Variants in SPTA1 observed in about 807,000 individuals in gnomAD.
SPTA1 encodes the protein spectrin alpha, erythrocytic 1, also known as spectrin alpha chain, erythrocytic 1.
A neutral mutation model predicts 324.7 loss-of-function variants in SPTA1; 177 were observed. The observed-to-expected ratio is 0.55, with a 90% CI of 0.48 to 0.62. SPTA1 has a LOEUF of 0.62. Among genes scored for constraint, SPTA1 ranks in the 20% least tolerant of loss-of-function variants. The pLI, the probability that SPTA1 is intolerant of heterozygous loss-of-function variation, is 0.00. For missense variants in SPTA1, 3,162 were observed against 2,883.6 expected (o/e 1.10, Z -2.21); for synonymous variants, 1,195 against 1,041.3 (o/e 1.15, Z -2.84).
chr1:158,614,375 A>G, intron 48 of SPTA1, 69 bp from the exon 49 acceptor site: 5 of 1,109,524 alleles, frequency 4.5e-6, no homozygotes, highest in Non-Finnish European at 6.8e-6. Context: ...CACAAGCCAC[A>G]TGGAAGAGAG....
At chr1:158,672,302 A>G in intron 10 of SPTA1, 106 bp from the exon 11 acceptor site, 2 of 1,244,240 alleles carry the variant, frequency 1.6e-6, no homozygotes, top group East Asian at 5.1e-5. Context: ...ACAAAAATAA[A>G]CAGCAAATGG....
chr1:158,645,939 A>G (rs1651970582), intron 27 of SPTA1, among the ~76,000 whole-genome samples: 1 of 152,208 alleles, frequency 6.6e-6, no homozygotes, highest in Non-Finnish European at 1.5e-5. Flanking sequence ...CATCTTCAAT[A>G]AAACCTAGAC....
In SPTA1 at chr1:158,656,615, A is replaced by G; in HGVS notation, c.2847T>C (p.Asn949=). 2 of 1,613,938 alleles carry G rather than the reference A, an allele frequency of 1.2e-6. No individual in the cohort carries two copies. The highest frequency in any genetic ancestry group is 2.2e-5 in the South Asian group (2 of 91,078). ...GAGCTTTCATACTGTCTCCAAATGA[A>G]TTGAGATCTAATAGAAAGGCCTCAT... ...KKHEAFLLDL[N]SFGDSMKALR... The change falls in exon 20 of 52, where the codon AAT becomes AAC. Residue 949 remains asparagine, a synonymous_variant. Coordinates refer to ENST00000643759, the MANE Select transcript of SPTA1 (RefSeq NM_003126.4).
chr1:158,634,586 A>G lies in SPTA1; in HGVS notation c.5522T>C (p.Leu1841Ser). 6.2e-7 allele frequency: 1 copy of G among 1,614,148 alleles called. No individual in the cohort carries two copies. The highest frequency in any genetic ancestry group is 8.5e-7 in the Non-Finnish European group (1 of 1,180,036). Residue 1841 changes from leucine to serine, a missense_variant, in exon 39 of 52, where the codon TTG becomes TCG. Physicochemically the swap from Leu to Ser is moderately radical, Grantham distance 145. Transcript: ENST00000643759. ...EEAWINEKNA[L>S]AVRGDCGDTL... ...ATCTCCACAATCTCCTCGGACAGCCAAAGCATTCTTTTCATTGATCCAAGC... is the reference window on the plus strand; with the variant it reads ...ATCTCCACAATCTCCTCGGACAGCCGAAGCATTCTTTTCATTGATCCAAGC...
intron 8 of SPTA1, among the ~76,000 whole-genome samples, chr1:158,675,739 A>C (rs909128624): frequency 6.6e-6 from 1 of 152,214 alleles, no homozygotes; most frequent in Non-Finnish European, 1.5e-5. Context: ...TTAGACTGCT[A>C]CTAAGTGACT....
rs903677128 is a variant in SPTA1 at position 158,623,046 on chromosome 1, C to T, written c.6057G>A (p.Gln2019=). The change falls in exon 43 of 52, where the codon CAG becomes CAA. Residue 2019 remains glutamine, a synonymous_variant. Coordinates refer to ENST00000643759, the MANE Select transcript of SPTA1 (RefSeq NM_003126.4). ...TGTGGACTGCCGAGGCTTCCAGCAA[C>T]TGTTCCCAGCGCTTCAGCAGAGCGG... ...RYAALLKRWE[Q]LLEASAVHRQ... 7 of 1,614,048 alleles carry T rather than the reference C, an allele frequency of 4.3e-6. No individual in the cohort carries two copies. In the African/African-American group the frequency reaches 9.3e-5, roughly 22 times the overall value.
chr1:158,612,741 G>A (rs763082602), intron 51 of SPTA1, 76 bp downstream of exon 51: 227 of 1,545,734 alleles, frequency 1.5e-4, no homozygotes, highest in Non-Finnish European at 1.9e-4. Flanking sequence ...TTTTTTCAAA[G>A]TAGGCCACCG....
At position 158,674,523 on chromosome 1, in the gene SPTA1, C is replaced by A; in HGVS notation, c.1248+17G>T. 1 of 1,614,084 alleles carries A rather than the reference C, an allele frequency of 6.2e-7. No individual in the cohort carries two copies. The highest frequency in any genetic ancestry group is 8.5e-7 in the Non-Finnish European group (1 of 1,179,968). ...TAACCTGCCCCCTCCTCCTACTGGG[C>A]AGCCTTTCTTCTCTACCTTATGCTG... On this transcript the variant is annotated intron_variant, in intron 9 of 51. Coordinates refer to ENST00000643759, the MANE Select transcript of SPTA1 (RefSeq NM_003126.4).
chr1:158,632,392 T>C (rs1357028040), intron 39 of SPTA1, among the ~76,000 whole-genome samples: 1 of 152,218 alleles, frequency 6.6e-6, no homozygotes, highest in Non-Finnish European at 1.5e-5. Flanking sequence ...TAGTCAACAA[T>C]AATATGTTAT....
intron 7 of SPTA1, 112 bp from the exon 8 acceptor site, chr1:158,676,407 G>T: frequency 8.7e-7 from 1 of 1,149,562 alleles, no homozygotes. Context: ...TTTAGAAATC[G>T]ACATATGAAT....
chr1:158,651,886 T>G (rs867303514), intron 23 of SPTA1, among the ~76,000 whole-genome samples: 3,890 of 131,216 alleles, frequency 0.03, 167 homozygotes, highest in African/African-American at 0.15. Context: ...GAGTGCTCTC[T>G]CTCTCTCTCT....
At chr1:158,642,389 C>A (rs1029488970) in intron 33 of SPTA1, 22 bp downstream of exon 33, 1 of 1,611,430 alleles carries the variant, frequency 6.2e-7, no homozygotes, top group Non-Finnish European at 8.5e-7. Context: ...CTTTGTAGCC[C>A]AAAACTCATC....
chr1:158,660,961 C>A (rs1383060060), intron 18 of SPTA1, among the ~76,000 whole-genome samples: 1 of 152,122 alleles, frequency 6.6e-6, no homozygotes, highest in African/African-American at 2.4e-5. Context: ...GGAAAAGAGA[C>A]CTGATTTAAT....
intron 39 of SPTA1, among the ~76,000 whole-genome samples, chr1:158,632,720 G>A (rs909017585): frequency 7.4e-5 from 11 of 149,024 alleles, no homozygotes; most frequent in Admixed American, 6.0e-4. Flanking sequence ...TGTTAAGAGT[G>A]CAAAATGATA....
At chr1:158,624,034 T>C (rs943927714) in intron 42 of SPTA1, among the ~76,000 whole-genome samples, 4 of 152,198 alleles carry the variant, frequency 2.6e-5, no homozygotes, top group Non-Finnish European at 4.4e-5. Flanking sequence ...CCATGTGGCA[T>C]TGAGCCTCCA....
At chr1:158,683,574 A>G in intron 2 of SPTA1, 78 bp from the exon 3 acceptor site, 11 of 1,589,462 alleles carry the variant, frequency 6.9e-6, no homozygotes, top group Non-Finnish European at 9.5e-6. Context: ...TAAAGCCACC[A>G]AACACAGGTT....
At chr1:158,633,018 A>G (rs1289138544) in intron 39 of SPTA1, among the ~76,000 whole-genome samples, 2 of 152,232 alleles carry the variant, frequency 1.3e-5, no homozygotes, top group Non-Finnish European at 2.9e-5. Context: ...TGTTACACAC[A>G]ATAACCAGAA....
At chr1:158,640,220 G>A (rs181959055) in intron 33 of SPTA1, among the ~76,000 whole-genome samples, 129 of 152,298 alleles carry the variant, frequency 8.5e-4, no homozygotes, top group African/African-American at 2.9e-3. Context: ...GTCCTGTGTT[G>A]AGTAAAGAGA....
At chr1:158,685,433 T>A (rs1358549093) in intron 1 of SPTA1, 86 bp from the exon 2 acceptor site, 1 of 1,570,162 alleles carries the variant, frequency 6.4e-7, no homozygotes, top group African/African-American at 1.3e-5. Context: ...TGTTTACTCA[T>A]GTTGGACCTA....
Sources: allele counts gnomAD v4.1 joint callset (sites outside exome capture counted in the v4.1 genomes callset), GRCh38; gene constraint gnomAD v4.1.1; transcripts MANE v1.5; gene names NCBI Gene and HGNC (gene_info 2026-07-23, HGNC 2026-07-21).